CPLX4: variants seen among roughly 807,000 people sequenced by gnomAD.
CPLX4 encodes the protein complexin-4.
A neutral mutation model predicts 16.1 loss-of-function variants in CPLX4; 17 were observed. The observed-to-expected ratio is 1.06, with a 90% CI of 0.72 to 1.59. The LOEUF is 1.59. CPLX4 is among the 40% of genes most tolerant of loss of function. CPLX4 has a pLI of 0.00. For synonymous variants in CPLX4, 55 were observed against 57.8 expected (o/e 0.95, Z 0.22); for missense variants, 193 against 192.9 (o/e 1.00, Z 0.00).
At chr18:59,307,220 A>C (rs951400908) in intron 2 of CPLX4, among the ~76,000 whole-genome samples, 4 of 152,232 alleles carry the variant, frequency 2.6e-5, no homozygotes, top group African/African-American at 9.6e-5. Flanking sequence ...GAACGTCCCT[A>C]CATTTACATG....
In CPLX4 at chr18:59,296,776, C is replaced by T. The variant is rs1299426224; in HGVS notation, c.405G>A (p.Leu135=). ...GQIQNLQNMD[L]DTIKEKAQAT... ...CCTGGGCTTTTTCTTTTATGGTATC[C>T]AAGTCCATGTTCTGGAGATTCTGTA... The change falls in exon 3 of 3, where the codon TTG becomes TTA. Residue 135 remains leucine, a synonymous_variant. Transcript: ENST00000299721. The T allele has an allele frequency of 3.1e-6, 5 of 1,613,828 alleles. No homozygotes were observed. The highest frequency in any genetic ancestry group is 1.7e-5 in the Admixed American group (1 of 59,976).
chr18:59,312,930 T>C (rs2070627535), intron 1 of CPLX4, among the ~76,000 whole-genome samples, 158 bp from the exon 2 acceptor site: 2 of 152,076 alleles, frequency 1.3e-5, no homozygotes, highest in Admixed American at 1.3e-4. Flanking sequence ...CCCAAACGTC[T>C]GCCTCTCTGT....
intron 2 of CPLX4, among the ~76,000 whole-genome samples, chr18:59,301,986 G>T (rs1272315469): frequency 6.6e-6 from 1 of 152,240 alleles, no homozygotes; most frequent in Non-Finnish European, 1.5e-5. Context: ...AAAGAGGGCA[G>T]CTCAGTGTCA....
chr18:59,299,529 C>A (rs2070525327), intron 2 of CPLX4, among the ~76,000 whole-genome samples: 1 of 152,126 alleles, frequency 6.6e-6, no homozygotes, highest in South Asian at 2.1e-4. Context: ...CATGAGGGCT[C>A]ACGGGATGGT....
intron 2 of CPLX4, among the ~76,000 whole-genome samples, chr18:59,303,136 T>C (rs148140752): frequency 3.9e-5 from 6 of 152,306 alleles, no homozygotes; most frequent in African/African-American, 1.4e-4. Context: ...GTGTGACTGG[T>C]GTGGAGGCCC....
rs777198288 is a variant in CPLX4 at position 59,318,354 on chromosome 18, C to T, written c.109G>A (p.Ala37Thr). Residue 37 changes from alanine (A) to threonine (T), a missense_variant, in exon 1 of 3, where the codon GCT becomes ACT. Ala to Thr is a moderately conservative substitution (Grantham distance 58). Transcript: ENST00000299721. ...TACTCCTCTCTAGTCATCCCTTGAG[C>T]TGCTGCAGGATCAGATGCACCTCCT... Reference protein sequence around the residue: ...EEGGASDPAAAQGMTREEYEE... With the variant: ...EEGGASDPAATQGMTREEYEE... The T allele has an allele frequency of 1.9e-6, 3 of 1,613,892 alleles. No individual in the cohort carries two copies. Among genetic ancestry groups the T allele is most frequent in the Non-Finnish European group, 2.5e-6 (3 of 1,179,870 alleles).
At chr18:59,307,894 G>A (rs1427202381) in intron 2 of CPLX4, among the ~76,000 whole-genome samples, 3 of 151,744 alleles carry the variant, frequency 2.0e-5, no homozygotes, top group African/African-American at 7.3e-5. Flanking sequence ...TGGGATTACA[G>A]GGGTCCGCCA....
At chr18:59,312,553 T>A (rs1239960) in intron 2 of CPLX4, 132 bp downstream of exon 2, 49,590 of 188,534 alleles carry the variant, frequency 0.26, 6,508 homozygotes, top group South Asian at 0.34. Context: ...ATATATATTT[T>A]TATATATATA....
At chr18:59,307,767 T>G (rs2070586992) in intron 2 of CPLX4, among the ~76,000 whole-genome samples, 1 of 150,340 alleles carries the variant, frequency 6.7e-6, no homozygotes, top group African/African-American at 2.4e-5. Context: ...TTTTTTTTTT[T>G]TTGAAATGGA....
Position 59,296,418 on chromosome 18 carries a change from A to G in CPLX4, c.*280T>C. ...TTTTGTTTCTTCCTGGCTCATCTCA[A>G]GGTCTTTAAGCAGATATGTGTTCTG... On this transcript the variant is annotated 3_prime_UTR_variant, in exon 3 of 3. Transcript: ENST00000299721. 1 of 433,584 alleles carries G rather than the reference A, an allele frequency of 2.3e-6. No individual in the cohort carries two copies. 26.9% of individuals were successfully genotyped at this position (433,584 alleles called of 1,614,324 possible). A position where few individuals can be genotyped will look rare whatever the true frequency, so the allele number is the denominator to read the frequency against.
At position 59,296,826 on chromosome 18, in the gene CPLX4, C is replaced by T. The variant is rs772035562; in HGVS notation, c.355G>A (p.Asp119Asn). Residue 119 changes from aspartate (D) to asparagine (N), a missense_variant, in exon 3 of 3, where the codon GAT (aspartate) becomes AAT (asparagine). Transcript: ENST00000299721. ...ATCTGCCCAAGAATAGAATCTTTAT[C>T]TTCTTCCTCTTCTTGATCTTCATCT... is the stretch of plus-strand genomic sequence containing the variant. ...MVDEDQEEEE[D>N]KDSILGQIQN... is the part of the protein sequence containing the mutation. 3.1e-6 allele frequency: 5 copies of T among 1,613,736 alleles called. No homozygotes were observed. The East Asian group carries it at 6.7e-5, about 22-fold the overall frequency.
chr18:59,316,322 G>A (rs1051964384), intron 1 of CPLX4, among the ~76,000 whole-genome samples: 1 of 152,190 alleles, frequency 6.6e-6, no homozygotes, highest in African/African-American at 2.4e-5. Context: ...ATTAAATAGA[G>A]TGCATTGCTA....
In CPLX4 at chr18:59,311,304, A is replaced by T. The variant is rs1007649906; in HGVS notation, c.255+1381T>A. The stretch of plus-strand genomic sequence containing the variant: ...TCTTTTCCAAGTTCATTGGTTGTGA[A>T]TGAAATGAGCTTACATTTTATTGTG... On this transcript the variant is annotated intron_variant, in intron 2 of 2. Coordinates refer to ENST00000299721, the MANE Select transcript of CPLX4 (RefSeq NM_181654.4). 2.6e-5 allele frequency among the ~76,000 whole-genome samples: 4 copies of T among 152,196 alleles called. No homozygotes were observed. In the East Asian group the frequency reaches 7.7e-4, roughly 29 times the overall value.
intron 2 of CPLX4, among the ~76,000 whole-genome samples, chr18:59,310,857 A>G (rs2070611796): frequency 6.6e-6 from 1 of 152,020 alleles, no homozygotes; most frequent in South Asian, 2.1e-4. Context: ...CGGAACCCCA[A>G]TTCTCCCTAG....
chr18:59,315,576 T>C (rs1043890308), intron 1 of CPLX4, among the ~76,000 whole-genome samples: 1 of 152,224 alleles, frequency 6.6e-6, no homozygotes, highest in Non-Finnish European at 1.5e-5. Flanking sequence ...ATATGGTCAT[T>C]GCCAATCTGG....
intron 2 of CPLX4, among the ~76,000 whole-genome samples, chr18:59,299,396 C>G (rs73960762): frequency 0.024 from 3,689 of 152,252 alleles, 133 homozygotes; most frequent in African/African-American, 0.074. Context: ...AGTAAGATCC[C>G]CAAGCATGTC....
intron 2 of CPLX4, among the ~76,000 whole-genome samples, chr18:59,304,950 T>C (rs2070566729): frequency 6.6e-6 from 1 of 151,306 alleles, no homozygotes; most frequent in Non-Finnish European, 1.5e-5. Context: ...TGTGTGTGTG[T>C]GTGTGTGTGT....
chr18:59,309,271 A>G (rs762350363), intron 2 of CPLX4, among the ~76,000 whole-genome samples: 87 of 152,286 alleles, frequency 5.7e-4, no homozygotes, highest in Middle Eastern at 6.8e-3. Context: ...CCATTGTTAC[A>G]AATGCAACCA....
chr18:59,308,960 G>C (rs1466152204), intron 2 of CPLX4, among the ~76,000 whole-genome samples: 1 of 152,272 alleles, frequency 6.6e-6, no homozygotes, highest in African/African-American at 2.4e-5. Flanking sequence ...CAAGCGCAAA[G>C]TGTTGCACTG....
Sources: allele counts gnomAD v4.1 joint callset (sites outside exome capture counted in the v4.1 genomes callset), GRCh38; gene constraint gnomAD v4.1.1; transcripts MANE v1.5; gene names NCBI Gene and HGNC (gene_info 2026-07-23, HGNC 2026-07-21).